Variants in PPFIBP2 observed in about 807,000 individuals in gnomAD.
The protein encoded by PPFIBP2 is liprin-beta-2.
In PPFIBP2, 118 loss-of-function variants were observed where a neutral mutation model predicts 118.3. The observed-to-expected ratio is 1.00, with a 90% CI of 0.86 to 1.16. PPFIBP2 has a LOEUF of 1.16. Ranked by LOEUF, PPFIBP2 falls within the 50% of genes most tolerant of loss-of-function variation. The pLI is 0.00. For synonymous variants in PPFIBP2, 414 were observed against 397.4 expected, an observed-to-expected ratio of 1.04 and a Z score of -0.50; for missense variants, 1,195 against 1,073.1, an observed-to-expected ratio of 1.11 and a Z score of -1.59.
At position 7,631,042 on chromosome 11, in the gene PPFIBP2, A is replaced by C; in HGVS notation, c.1068+14A>C. On this transcript the variant is annotated intron_variant, in intron 11 of 23. Transcript: ENST00000299492. The stretch of plus-strand genomic sequence containing the variant: ...TTTAAACAAGAGGTACTGTGTTTCC[A>C]TCCATGACGTAGGGTTTCAGCAGGT... The C allele has an allele frequency of 6.2e-7, 1 of 1,601,118 alleles. No individual in the cohort carries two copies. Among genetic ancestry groups the C allele is most frequent in the Non-Finnish European group, 8.6e-7 (1 of 1,168,164 alleles).
chr11:7,544,772 T>TA (rs1194860244), intron 1 of PPFIBP2, among the ~76,000 whole-genome samples: 1,129 of 86,142 alleles, frequency 0.013, 16 homozygotes, highest in African/African-American at 0.023. Flanking sequence ...AGACTCCATC[T>TA]AAAAAAAAAA....
intron 6 of PPFIBP2, among the ~76,000 whole-genome samples, chr11:7,613,039 A>T (rs1848248079): frequency 6.6e-6 from 1 of 152,014 alleles, no homozygotes; most frequent in African/African-American, 2.4e-5. Flanking sequence ...TTTTCCAGTG[A>T]GTGTATTTAG....
At chr11:7,660,954 T>C (rs2136091801), downstream of PPFIBP2, among the ~76,000 whole-genome samples, 1 of 152,128 alleles carries the variant, frequency 6.6e-6, no homozygotes, top group South Asian at 2.1e-4. Flanking sequence ...TGTAGTATGC[T>C]CTGATGGTAG....
rs191269846 is a variant in PPFIBP2, at chr11:7,595,350, T to A, written c.372+2126T>A. ...AATGAAAGAGTATCCAATGTAAGAT[T>A]TTGCAGCAAACAGTATGAAATTGCA... On this transcript the variant is annotated intron_variant, in intron 4 of 23. Coordinates refer to ENST00000299492, the MANE Select transcript of PPFIBP2 (RefSeq NM_003621.5). Among the ~76,000 whole-genome samples, 3 of 152,282 alleles carry A rather than the reference T, an allele frequency of 2.0e-5. No homozygotes were observed. The East Asian group carries it at 5.8e-4, about 29-fold the overall frequency.
At chr11:7,666,509 A>G in the PPFIBP2 span, 2 of 1,613,604 alleles carry the variant, frequency 1.2e-6, no homozygotes, top group Admixed American at 3.3e-5. Context: ...GAGTCCTGGC[A>G]ATTTCTTCAA....
chr11:7,605,755 G>A, intron 5 of PPFIBP2: 1 of 1,355,764 alleles, frequency 7.4e-7, no homozygotes, highest in Non-Finnish European at 9.4e-7. Flanking sequence ...TAGAGGTTGA[G>A]TGAGCAAGTG....
the PPFIBP2 span, among the ~76,000 whole-genome samples, chr11:7,662,953 T>C: frequency 7.2e-6 from 1 of 138,578 alleles, no homozygotes; most frequent in African/African-American, 2.5e-5. Context: ...CTCCTGAGGC[T>C]TCTGCATTCT....
intron 3 of PPFIBP2, among the ~76,000 whole-genome samples, chr11:7,566,057 A>C (rs118013377): frequency 4.8e-5 from 6 of 125,974 alleles, no homozygotes; most frequent in South Asian, 4.8e-4. Context: ...ACACACACAC[A>C]CCCTCGAATT....
At position 7,642,290 on chromosome 11, in the gene PPFIBP2, C is replaced by T. The variant is rs1165466787; in HGVS notation, c.1518-8C>T. The T allele has an allele frequency of 6.2e-7, 1 of 1,613,772 alleles. No homozygotes were observed. The highest frequency in any genetic ancestry group is 1.1e-5 in the South Asian group (1 of 91,048). On this transcript the variant is annotated splice_region_variant and splice_polypyrimidine_tract_variant and intron_variant, in intron 16 of 23. Coordinates refer to ENST00000299492, the MANE Select transcript of PPFIBP2 (RefSeq NM_003621.5). The stretch of plus-strand genomic sequence containing the variant: ...CATGACCGTCTCCATGGATTCTTCT[C>T]CATGCAGAATCCGAAGAACTCAGTC...
At chr11:7,610,454 GA>G in intron 6 of PPFIBP2, 32 bp downstream of exon 6, 1 of 1,602,476 alleles carries the variant, frequency 6.2e-7, no homozygotes. Flanking sequence ...CCTAAGCTCA[GA>G]CCTGGGAAGG....
At position 7,604,976 on chromosome 11, in the gene PPFIBP2, A is replaced by T. The variant is rs565408408; in HGVS notation, c.487-5315A>T. 7.2e-5 allele frequency among the ~76,000 whole-genome samples: 11 copies of T among 152,330 alleles called. No homozygotes were observed. The South Asian group carries it at 2.3e-3, about 32-fold the overall frequency. On this transcript the variant is annotated intron_variant, in intron 5 of 23. Transcript: ENST00000299492. ...GTTACCGTAAGGTTTATCAAGTTGT[A>T]TGGGAATGTATGAAGAGTCAGGAGA...
chr11:7,613,643 A>T (rs970213499), intron 6 of PPFIBP2, among the ~76,000 whole-genome samples: 1 of 152,212 alleles, frequency 6.6e-6, no homozygotes, highest in African/African-American at 2.4e-5. Flanking sequence ...AAAGAAAGAG[A>T]TCCAGAGGTA....
At chr11:7,655,604 T>C (rs547808407), downstream of PPFIBP2, 499 of 912,588 alleles carry the variant, frequency 5.5e-4, 7 homozygotes, top group South Asian at 6.7e-3. Context: ...CGGCGAAGAA[T>C]GGTGCTTAGT....
chr11:7,607,204 C>T (rs2135449778), intron 5 of PPFIBP2, among the ~76,000 whole-genome samples: 1 of 143,958 alleles, frequency 6.9e-6, no homozygotes, highest in South Asian at 2.2e-4. Flanking sequence ...GCCACCGCGC[C>T]CGGCCTTTTT....
intron 3 of PPFIBP2, among the ~76,000 whole-genome samples, chr11:7,587,791 G>A (rs1858472005): frequency 6.6e-6 from 1 of 152,180 alleles, no homozygotes; most frequent in Non-Finnish European, 1.5e-5. Flanking sequence ...GTCAAGCCTG[G>A]ATCAAGTGGC....
At chr11:7,597,248 GA>G in intron 4 of PPFIBP2, 1 of 1,533,338 alleles carries the variant, frequency 6.5e-7, no homozygotes, top group Non-Finnish European at 8.7e-7. Context: ...TCTGGAAGAG[GA>G]ATAAGGAGCA....
chr11:7,523,273 G>A (rs1849925646), intron 1 of PPFIBP2, among the ~76,000 whole-genome samples: 1 of 152,186 alleles, frequency 6.6e-6, no homozygotes, highest in Admixed American at 6.5e-5. Flanking sequence ...TCCCAGGATG[G>A]AGTCTTGTCT....
chr11:7,515,289 A>G (rs1044350255), intron 1 of PPFIBP2, among the ~76,000 whole-genome samples: 2 of 152,240 alleles, frequency 1.3e-5, no homozygotes, highest in Non-Finnish European at 2.9e-5. Context: ...TATTTCAATT[A>G]TTAGTAATAC....
rs1349203963 is a variant in PPFIBP2, at chr11:7,549,602, C to T, written c.64+63C>T. 3 of 1,264,338 alleles carry T rather than the reference C, an allele frequency of 2.4e-6. No homozygotes were observed. In the African/African-American group the frequency reaches 6.0e-5, roughly 25 times the overall value. 78.3% of individuals were successfully genotyped at this position (1,264,338 alleles called of 1,614,324 possible). A position where few individuals can be genotyped will look rare whatever the true frequency, so the allele number is the denominator to read the frequency against. On this transcript the variant is annotated intron_variant, in intron 2 of 23. Coordinates refer to ENST00000299492, the MANE Select transcript of PPFIBP2 (RefSeq NM_003621.5). ...TCCACATTCCAGGAACTGCTTCTCT[C>T]CTTTTACTTTTTTTTTTTTTTTTGG... is the stretch of plus-strand genomic sequence containing the variant.
Sources: gnomAD v4.1 joint callset for allele counts (sites outside exome capture counted in the v4.1 genomes callset) on GRCh38, gnomAD v4.1.1 for gene constraint, MANE v1.5 for transcripts, NCBI Gene and HGNC (gene_info 2026-07-23, HGNC 2026-07-21) for gene names.